The following ZNF226 variants were observed in gnomAD, a reference collection of about 807,000 sequenced individuals.
ZNF226 encodes Kruppel-associated box protein.
ZNF226 carries 6 observed loss-of-function variants against 11.4 expected under a neutral mutation model. The observed-to-expected ratio is 0.53, with a 90% CI of 0.29 to 1.04. The LOEUF is 1.04. Among genes scored for constraint, ZNF226 ranks in the 50% least tolerant of loss-of-function variants. The pLI, the probability that ZNF226 is intolerant of heterozygous loss-of-function variation, is 0.08. For missense variants in ZNF226, 1,058 were observed against 956.5 expected (o/e 1.11, Z -1.40); for synonymous variants, 350 against 322.8 (o/e 1.08, Z -0.90).
rs1422000752 is a variant in ZNF226, at chr19:44,175,607, A to G, written c.345A>G (p.Gln115=). The change falls in exon 6 of 6, where the codon CAA becomes CAG. Residue 115 remains glutamine, a synonymous_variant. Transcript: ENST00000337433. ...TTGCAAATGACTTAACCAGGTGTCAAGACTCCATGATCAATAATTCTCAGT... is the reference window on the plus strand; with the variant it reads ...TTGCAAATGACTTAACCAGGTGTCAGGACTCCATGATCAATAATTCTCAGT... ...QQIANDLTRC[Q]DSMINNSQCH... is the part of the protein sequence containing the mutation. 1.9e-6 allele frequency: 3 copies of G among 1,613,940 alleles called. No individual in the cohort carries two copies. Among genetic ancestry groups the G allele is most frequent in the Non-Finnish European group, 2.5e-6 (3 of 1,179,840 alleles).
chr19:44,175,457 CAA>C (rs749102582), intron 5 of ZNF226, 39 bp from the exon 6 acceptor site: 1 of 1,528,556 alleles, frequency 6.5e-7, no homozygotes, highest in African/African-American at 1.4e-5. Flanking sequence ...AATCTTTGAA[CAA>C]AAAAATTCAC....
At chr19:44,182,035 G>A (rs369404320), downstream of ZNF226, among the ~76,000 whole-genome samples, 23 of 152,302 alleles carry the variant, frequency 1.5e-4, 1 homozygote, top group African/African-American at 5.5e-4. Flanking sequence ...ATAATACAAT[G>A]ATGGATTAGG....
rs751193202 is a variant in ZNF226, at chr19:44,177,276, A to G, written c.2014A>G (p.Lys672Glu). The G allele has an allele frequency of 5.0e-6, 8 of 1,614,032 alleles. No individual in the cohort carries two copies. The highest frequency in any genetic ancestry group is 6.8e-6 in the Non-Finnish European group (8 of 1,180,028). The part of the protein sequence containing the change: ...QKVHTGDKPY[K>E]CDECGKGFKW... ...AGTCCACACTGGAGATAAGCCATAC[A>G]AATGTGATGAGTGTGGGAAGGGCTT... Residue 672 changes from lysine (K) to glutamate (E), a missense_variant, in exon 6 of 6, where the codon AAA (lysine) becomes GAA (glutamate). Coordinates refer to ENST00000337433, the MANE Select transcript of ZNF226 (RefSeq NM_001032373.2).
rs1179158817 is a variant in ZNF226, at chr19:44,175,490, C to T, written c.236-8C>T. 6 of 1,567,170 alleles carry T rather than the reference C, an allele frequency of 3.8e-6. No homozygotes were observed. The highest frequency in any genetic ancestry group is 2.0e-5 in the Admixed American group (1 of 50,924). ...TTCACTATCTCTCTGAATCCTTTGT[C>T]CTTACAGGAGAGAAAAATCAAAGTA... On this transcript the variant is annotated splice_polypyrimidine_tract_variant and splice_region_variant and intron_variant, in intron 5 of 5. Transcript: ENST00000337433.
chr19:44,166,726 T>G (rs571368898), intron 2 of ZNF226: 90 of 152,290 alleles, frequency 5.9e-4, no homozygotes, highest in African/African-American at 2.0e-3. Context: ...GGAGAGGGAC[T>G]GAGTACAGTG....
At chr19:44,167,539 C>T (rs936091900) in intron 2 of ZNF226, among the ~76,000 whole-genome samples, 1 of 151,936 alleles carries the variant, frequency 6.6e-6, no homozygotes, top group African/African-American at 2.4e-5. Flanking sequence ...AGGCTGGTCT[C>T]GAACTCCTGA....
In ZNF226 at chr19:44,177,347, A is replaced by G. The variant is rs781006453; in HGVS notation, c.2085A>G (p.Gly695=). ...ACATGCATCAGAGGGTGCACACAGGAGAAAAACCATATAAATGTGGGGAGT... is the reference window on the plus strand; with the variant it reads ...ACATGCATCAGAGGGTGCACACAGGGGAAAAACCATATAAATGTGGGGAGT... ...NLDMHQRVHT[G]EKPYKCGECG... is the part of the protein sequence containing the mutation. The change falls in exon 6 of 6, where the codon GGA becomes GGG. Residue 695 remains glycine (G), a synonymous_variant. Transcript: ENST00000337433. The G allele has an allele frequency of 6.2e-6, 10 of 1,613,922 alleles. 1 individual carries two copies. The South Asian group carries it at 1.1e-4, about 18-fold the overall frequency.
At chr19:44,189,333 A>G in the ZNF226 span, among the ~76,000 whole-genome samples, 3 of 152,234 alleles carry the variant, frequency 2.0e-5, no homozygotes, top group East Asian at 5.8e-4. Flanking sequence ...AATCAATCAA[A>G]TGATCATTGG....
chr19:44,168,692 G>C (rs1402570790), intron 2 of ZNF226, among the ~76,000 whole-genome samples: 4 of 152,172 alleles, frequency 2.6e-5, no homozygotes, highest in African/African-American at 9.7e-5. Context: ...ATCCTTCTCA[G>C]TGCATCATAG....
In ZNF226 at chr19:44,175,923, G is replaced by A. The variant is rs1762248332; in HGVS notation, c.661G>A (p.Glu221Lys). 1 of 1,613,314 alleles carries A rather than the reference G, an allele frequency of 6.2e-7. No individual in the cohort carries two copies. Reference protein sequence around the residue: ...HHDGHRVHKSEKSYRPNDYEK... With the variant: ...HHDGHRVHKSKKSYRPNDYEK... ...TGATGGTCATAGAGTACACAAAAGT[G>A]AAAAATCTTATAGACCCAATGATTA... Residue 221 changes from glutamate (E) to lysine (K), a missense_variant, in exon 6 of 6, where the codon GAA becomes AAA. Physicochemically the swap from Glu to Lys is moderately conservative, Grantham distance 56 (BLOSUM62 1). Coordinates refer to ENST00000337433, the MANE Select transcript of ZNF226 (RefSeq NM_001032373.2).
chr19:44,194,115 G>C, the ZNF226 span, among the ~76,000 whole-genome samples: 1 of 152,194 alleles, frequency 6.6e-6, no homozygotes, highest in African/African-American at 2.4e-5. Context: ...AGTTTTCCCT[G>C]GTTGTGTAGA....
At chr19:44,172,313 T>C in intron 4 of ZNF226, 99 bp downstream of exon 4, 1 of 1,476,178 alleles carries the variant, frequency 6.8e-7, no homozygotes, top group South Asian at 1.3e-5. Flanking sequence ...CTGACTTTCC[T>C]AATTTTTGTG....
At chr19:44,184,539 G>A in the ZNF226 span, among the ~76,000 whole-genome samples, 2 of 151,196 alleles carry the variant, frequency 1.3e-5, no homozygotes, top group African/African-American at 2.4e-5. Context: ...CCGAGATTGC[G>A]CCACTGCACT....
intron 5 of ZNF226, chr19:44,174,987 C>A: frequency 1.9e-6 from 3 of 1,610,254 alleles, no homozygotes; most frequent in East Asian, 2.2e-5. Flanking sequence ...ATTTCAGATA[C>A]CTTACTTGTA....
chr19:44,187,707 A>G, the ZNF226 span, among the ~76,000 whole-genome samples: 12 of 151,908 alleles, frequency 7.9e-5, no homozygotes, highest in Non-Finnish European at 1.3e-4. This position sits in a 1 kb window ranked among gnomAD's most constrained non-coding sequence, Gnocchi z 4.0. Flanking sequence ...TCCTTAAAGT[A>G]TAAGCTTAGG....
chr19:44,185,406 A>T, the ZNF226 span, among the ~76,000 whole-genome samples: 1 of 152,194 alleles, frequency 6.6e-6, no homozygotes. Context: ...CCTTGACAAC[A>T]CTTGTTATTT....
the ZNF226 span, among the ~76,000 whole-genome samples, chr19:44,192,307 A>G: frequency 6.6e-6 from 1 of 152,154 alleles, no homozygotes; most frequent in Non-Finnish European, 1.5e-5. Context: ...CGAGCGAGAG[A>G]GCGAGAGAAG....
the ZNF226 span, among the ~76,000 whole-genome samples, chr19:44,191,434 A>T: frequency 2.5e-4 from 38 of 152,276 alleles, no homozygotes; most frequent in African/African-American, 8.4e-4. Context: ...CATCAATAAC[A>T]TATCCATGTA....
At chr19:44,183,395 A>G in the ZNF226 span, among the ~76,000 whole-genome samples, 1 of 152,200 alleles carries the variant, frequency 6.6e-6, no homozygotes, top group Non-Finnish European at 1.5e-5. Context: ...CAGAATCCTC[A>G]TACTGAATGT....
Sources: allele counts gnomAD v4.1 joint callset (sites outside exome capture counted in the v4.1 genomes callset), GRCh38; gene constraint gnomAD v4.1.1; non-coding constraint Gnocchi (gnomAD v3.1); transcripts MANE v1.5; gene names NCBI Gene and HGNC (gene_info 2026-07-23, HGNC 2026-07-21).